The following SDK1 variants were observed in gnomAD, a reference collection of about 807,000 sequenced individuals.
SDK1 encodes sidekick cell adhesion molecule 1, also known as protein sidekick-1.
In SDK1, 157 loss-of-function variants were observed where a neutral mutation model predicts 245.5. The ratio of observed to expected loss-of-function variants is 0.64; its 90% CI spans 0.56 to 0.73. The LOEUF (loss-of-function observed/expected upper bound fraction) is 0.73, where lower values mean the gene tolerates loss of function less well. SDK1 is among the 30% of genes least tolerant of loss of function. The pLI, the probability that SDK1 is intolerant of heterozygous loss-of-function variation, is 0.00. For missense variants in SDK1, 3,583 were observed against 3,002.3 expected, an observed-to-expected ratio of 1.19 and a Z score of -4.52; for synonymous variants, 1,647 against 1,278.5, an observed-to-expected ratio of 1.29 and a Z score of -6.15.
chr7:3,590,496 A>G (rs999949202), intron 1 of SDK1, among the ~76,000 whole-genome samples: 1 of 152,218 alleles, frequency 6.6e-6, no homozygotes, highest in African/African-American at 2.4e-5. Context: ...TATTTCATTT[A>G]GCTTCCAAAA....
intron 22 of SDK1, among the ~76,000 whole-genome samples, chr7:4,092,463 G>A (rs180685792): frequency 3.5e-4 from 54 of 152,300 alleles, no homozygotes; most frequent in African/African-American, 1.2e-3. Flanking sequence ...CCTTGAGGCT[G>A]TGACTAGTAT....
At chr7:3,387,465 C>T (rs1349632357) in intron 1 of SDK1, among the ~76,000 whole-genome samples, 1 of 152,190 alleles carries the variant, frequency 6.6e-6, no homozygotes, top group South Asian at 2.1e-4. Context: ...TCAGATCCTT[C>T]TAAAACTGTC....
chr7:3,903,852 G>A (rs1781874851), intron 5 of SDK1, among the ~76,000 whole-genome samples: 2 of 152,112 alleles, frequency 1.3e-5, no homozygotes, highest in African/African-American at 4.8e-5. Context: ...TTGGGAGTGA[G>A]TTCTTGCCCT....
At position 4,127,372 on chromosome 7, in the gene SDK1, T is replaced by C. The variant is rs1303191940; in HGVS notation, c.3824-9T>C. On this transcript the variant is annotated splice_polypyrimidine_tract_variant and intron_variant, in intron 25 of 44. Coordinates refer to ENST00000404826, the MANE Select transcript of SDK1 (RefSeq NM_152744.4). ...TTGGATGCTAATCTACTTCATTGGTTCTTTGCAGTTCCTTCAGCCGCCCCT... is the reference window on the plus strand; with the variant it reads ...TTGGATGCTAATCTACTTCATTGGTCCTTTGCAGTTCCTTCAGCCGCCCCT... 6.2e-7 allele frequency: 1 copy of C among 1,608,906 alleles called. No homozygotes were observed. Among genetic ancestry groups the C allele is most frequent in the Non-Finnish European group, 8.5e-7 (1 of 1,175,188 alleles).
chr7:4,014,477 A>C (rs1045325233), intron 16 of SDK1, among the ~76,000 whole-genome samples: 1 of 152,186 alleles, frequency 6.6e-6, no homozygotes, highest in African/African-American at 2.4e-5. Context: ...TTTGCTTAAA[A>C]ACATTTCCGC....
intron 14 of SDK1, among the ~76,000 whole-genome samples, chr7:3,999,215 C>G (rs1473332296): frequency 2.6e-5 from 4 of 152,186 alleles, no homozygotes; most frequent in African/African-American, 9.7e-5. Context: ...CCTTCTTTCT[C>G]TCCTTTAGTT....
intron 1 of SDK1, among the ~76,000 whole-genome samples, chr7:3,592,212 C>G (rs996831841): frequency 1.3e-5 from 2 of 152,094 alleles, no homozygotes; most frequent in Non-Finnish European, 2.9e-5. Flanking sequence ...TAAGAATCAC[C>G]CAACAGTGTG....
At chr7:3,608,224 T>G (rs866553994) in intron 1 of SDK1, among the ~76,000 whole-genome samples, 2 of 152,194 alleles carry the variant, frequency 1.3e-5, no homozygotes, top group African/African-American at 4.8e-5. Context: ...ATAAAATTAT[T>G]AAAATATTCT....
intron 14 of SDK1, among the ~76,000 whole-genome samples, chr7:3,991,009 G>T (rs573747543): frequency 1.4e-4 from 22 of 152,364 alleles, no homozygotes; most frequent in Non-Finnish European, 2.2e-4. Flanking sequence ...TGGGTGCTGG[G>T]TGCAGAGCTG....
intron 1 of SDK1, among the ~76,000 whole-genome samples, chr7:3,347,921 G>A (rs1780552109): frequency 6.6e-6 from 1 of 151,482 alleles, no homozygotes; most frequent in Admixed American, 6.6e-5. Context: ...TGTGTAGTAA[G>A]TCTCTGAAAA....
chr7:3,642,567 A>T (rs887620182), intron 4 of SDK1, among the ~76,000 whole-genome samples: 6 of 151,970 alleles, frequency 3.9e-5, no homozygotes, highest in Non-Finnish European at 7.4e-5. Flanking sequence ...ATTTCTCTTT[A>T]TCCTTTTATC....
chr7:3,652,534 G>C (rs940775265), intron 4 of SDK1, among the ~76,000 whole-genome samples: 2 of 152,322 alleles, frequency 1.3e-5, no homozygotes, highest in African/African-American at 4.8e-5. Flanking sequence ...AAAATTGAGA[G>C]ATTTCTCGTG....
chr7:4,230,396 AG>A (rs1346418118), intron 40 of SDK1, among the ~76,000 whole-genome samples: 1 of 85,316 alleles, frequency 1.2e-5, no homozygotes, highest in Non-Finnish European at 2.3e-5. Context: ...AAGGGAAGGG[AG>A]GGCAGGGGAG....
chr7:3,408,413 A>G (rs1454592658), intron 1 of SDK1, among the ~76,000 whole-genome samples: 1 of 152,142 alleles, frequency 6.6e-6, no homozygotes, highest in African/African-American at 2.4e-5. Context: ...TCTTGATGTT[A>G]TTATTAATCC....
intron 4 of SDK1, among the ~76,000 whole-genome samples, chr7:3,659,036 C>T (rs1157430615): frequency 6.6e-6 from 1 of 152,180 alleles, no homozygotes. Context: ...TACTTCTCGT[C>T]TATATGAATT....
chr7:4,081,862 G>A (rs951259378), intron 22 of SDK1, among the ~76,000 whole-genome samples: 3 of 152,074 alleles, frequency 2.0e-5, no homozygotes, highest in African/African-American at 7.2e-5. Context: ...TTTTATTGGC[G>A]TATTTTGAAG....
chr7:3,646,396 A>T (rs1374699483), intron 4 of SDK1, among the ~76,000 whole-genome samples: 2 of 152,182 alleles, frequency 1.3e-5, no homozygotes, highest in Admixed American at 6.5e-5. Context: ...TCCTATTAAT[A>T]ATCTTAACAG....
chr7:3,358,640 T>C (rs1391275502), intron 1 of SDK1, among the ~76,000 whole-genome samples: 3 of 152,202 alleles, frequency 2.0e-5, no homozygotes, highest in African/African-American at 4.8e-5. Flanking sequence ...ACTATGCAGC[T>C]AGAATTTTCT....
intron 30 of SDK1, 85 bp downstream of exon 30, chr7:4,149,548 T>C (rs1780215395): frequency 1.1e-6 from 1 of 951,018 alleles, no homozygotes; most frequent in Non-Finnish European, 1.5e-6. Context: ...GGGGAGGCTG[T>C]GTGGGCCAAG....
Sources: gnomAD v4.1 joint callset for allele counts (sites outside exome capture counted in the v4.1 genomes callset) on GRCh38, gnomAD v4.1.1 for gene constraint, MANE v1.5 for transcripts, NCBI Gene and HGNC (gene_info 2026-07-23, HGNC 2026-07-21) for gene names.